LYPLAL1: variants seen among roughly 807,000 people sequenced by gnomAD.
The protein encoded by LYPLAL1 is lysophospholipase like 1, also known as lysophospholipase-like protein 1.
Under a neutral mutation model 19.7 loss-of-function variants are expected in LYPLAL1, and 23 were observed. The observed-to-expected ratio is 1.17, with a 90% confidence interval of 0.84 to 1.65. The LOEUF (loss-of-function observed/expected upper bound fraction) is 1.65, where lower values mean the gene tolerates loss of function less well. Among genes scored for constraint, LYPLAL1 ranks in the 40% most tolerant of loss-of-function variants. The pLI is 0.00. For missense variants in LYPLAL1, 355 were observed against 279.4 expected (o/e 1.27, Z -1.93); for synonymous variants, 119 against 96.3 (o/e 1.24, Z -1.38).
chr1:219,183,571 C>T (rs1476834067), intron 2 of LYPLAL1, among the ~76,000 whole-genome samples: 1 of 151,890 alleles, frequency 6.6e-6, no homozygotes, highest in Non-Finnish European at 1.5e-5. Context: ...AGAAAGTTTC[C>T]TTGTGCTTCT....
At chr1:219,434,592 C>T in the LYPLAL1 span, among the ~76,000 whole-genome samples, 2 of 152,156 alleles carry the variant, frequency 1.3e-5, no homozygotes, top group Admixed American at 1.3e-4. Flanking sequence ...CTTCCTGGCC[C>T]AAGACTTATG....
At chr1:219,368,373 A>G in the LYPLAL1 span, among the ~76,000 whole-genome samples, 19 of 152,300 alleles carry the variant, frequency 1.2e-4, no homozygotes, top group Non-Finnish European at 2.4e-4. Context: ...ACTAAGGGTG[A>G]TATTTCCTAG....
At chr1:219,198,389 A>G (rs1657788345) in intron 3 of LYPLAL1, among the ~76,000 whole-genome samples, 1 of 152,082 alleles carries the variant, frequency 6.6e-6, no homozygotes, top group South Asian at 2.1e-4. Context: ...CATGGGTGAT[A>G]TAAAAACTAT....
chr1:219,378,442 A>G, the LYPLAL1 span, among the ~76,000 whole-genome samples: 1 of 152,180 alleles, frequency 6.6e-6, no homozygotes, highest in Non-Finnish European at 1.5e-5. Flanking sequence ...CCATGATTAA[A>G]TTACCTCCCA....
chr1:219,295,888 T>C, the LYPLAL1 span, among the ~76,000 whole-genome samples: 5 of 152,164 alleles, frequency 3.3e-5, no homozygotes, highest in Admixed American at 1.3e-4. Context: ...CCCCCAGCCT[T>C]CTGGCCCCTT....
chr1:219,418,713 C>T, the LYPLAL1 span, among the ~76,000 whole-genome samples: 1 of 152,132 alleles, frequency 6.6e-6, no homozygotes, highest in African/African-American at 2.4e-5. Flanking sequence ...TGGGTTTGGA[C>T]AAATGTTTAA....
the LYPLAL1 span, among the ~76,000 whole-genome samples, chr1:219,267,375 C>G: frequency 6.6e-6 from 1 of 152,178 alleles, no homozygotes; most frequent in Non-Finnish European, 1.5e-5. Flanking sequence ...ACAAAATATT[C>G]TGCTAGCTTT....
chr1:219,308,994 C>A, the LYPLAL1 span, among the ~76,000 whole-genome samples: 5 of 152,166 alleles, frequency 3.3e-5, no homozygotes, highest in Admixed American at 6.5e-5. Context: ...GTGAAACCAG[C>A]CAGGAGGGAG....
chr1:219,174,838 A>G, intron 1 of LYPLAL1: 2 of 946,848 alleles, frequency 2.1e-6, no homozygotes, highest in Non-Finnish European at 2.5e-6. Context: ...GCCTACCTAA[A>G]GTTAAAAACA....
the LYPLAL1 span, among the ~76,000 whole-genome samples, chr1:219,326,903 A>G: frequency 6.6e-6 from 1 of 152,284 alleles, no homozygotes; most frequent in East Asian, 1.9e-4. Flanking sequence ...CCCAAAGAGA[A>G]AAATGCTGAG....
downstream of LYPLAL1, among the ~76,000 whole-genome samples, chr1:219,215,548 A>G (rs1355477044): frequency 1.3e-5 from 2 of 152,070 alleles, no homozygotes; most frequent in African/African-American, 4.8e-5. Flanking sequence ...AGTCTGCTTA[A>G]TACTCAAGAT....
the LYPLAL1 span, among the ~76,000 whole-genome samples, chr1:219,376,361 A>G: frequency 6.6e-6 from 1 of 152,244 alleles, no homozygotes; most frequent in Non-Finnish European, 1.5e-5. Context: ...CAAATATAAA[A>G]GCAAAAATTA....
the LYPLAL1 span, among the ~76,000 whole-genome samples, chr1:219,252,365 CA>C: frequency 6.6e-6 from 1 of 152,080 alleles, no homozygotes; most frequent in Non-Finnish European, 1.5e-5. Context: ...TCCCAGTTTT[CA>C]AGGTGAAGAC....
chr1:219,433,681 C>A, the LYPLAL1 span, among the ~76,000 whole-genome samples: 23 of 152,348 alleles, frequency 1.5e-4, no homozygotes, highest in East Asian at 4.4e-3. Flanking sequence ...GTCATGAACA[C>A]ACTTGGCTGT....
chr1:219,288,954 ATCG>A, the LYPLAL1 span, among the ~76,000 whole-genome samples: 2 of 152,266 alleles, frequency 1.3e-5, no homozygotes, highest in Non-Finnish European at 2.9e-5. Flanking sequence ...TCTCATTTAA[ATCG>A]TCTTGCTCGA....
the LYPLAL1 span, among the ~76,000 whole-genome samples, chr1:219,304,334 A>C: frequency 1.3e-5 from 2 of 152,254 alleles, no homozygotes; most frequent in African/African-American, 4.8e-5. Context: ...GCTCAGTTTA[A>C]TTCAAGCAGA....
At chr1:219,286,680 C>T in the LYPLAL1 span, among the ~76,000 whole-genome samples, 1 of 152,216 alleles carries the variant, frequency 6.6e-6, no homozygotes, top group Non-Finnish European at 1.5e-5. Context: ...ACATGACACT[C>T]ATCTCCTCAA....
chr1:219,192,950 G>A, intron 2 of LYPLAL1, 132 bp from the exon 3 acceptor site: 3 of 866,786 alleles, frequency 3.5e-6, no homozygotes, highest in Non-Finnish European at 5.0e-6. Context: ...GTTTTAATAT[G>A]CATTTAACTT....
At chr1:219,440,022 C>T in the LYPLAL1 span, among the ~76,000 whole-genome samples, 63 of 128,806 alleles carry the variant, frequency 4.9e-4, no homozygotes, top group Middle Eastern at 3.9e-3. Flanking sequence ...TACACACACA[C>T]ACATATATAT....
Sources: allele counts gnomAD v4.1 joint callset (sites outside exome capture counted in the v4.1 genomes callset), GRCh38; gene constraint gnomAD v4.1.1; transcripts MANE v1.5; gene names NCBI Gene and HGNC (gene_info 2026-07-23, HGNC 2026-07-21).